The following TMEM74 variants were observed in gnomAD, a reference collection of about 807,000 sequenced individuals.
TMEM74 encodes the protein transmembrane protein 74.
Under a neutral mutation model 18.1 loss-of-function variants are expected in TMEM74, and 13 were observed. That is an observed-to-expected ratio of 0.72 (90% CI 0.47 to 1.14). The LOEUF (loss-of-function observed/expected upper bound fraction) is 1.14, where lower values mean the gene tolerates loss of function less well. Ranked by LOEUF, TMEM74 falls within the 50% of genes most tolerant of loss-of-function variation. TMEM74 has a pLI of 0.00. For missense variants in TMEM74, 372 were observed against 375.9 expected (o/e 0.99, Z 0.09); for synonymous variants, 159 against 146.6 (o/e 1.08, Z -0.61).
Position 108,784,525 on chromosome 8 carries a change from C to T in TMEM74, c.574G>A (p.Val192Met), listed in dbSNP as rs555420346. 8 of 1,614,146 alleles carry T rather than the reference C, an allele frequency of 5.0e-6. No homozygotes were observed. The highest frequency in any genetic ancestry group is 3.3e-5 in the Admixed American group (2 of 60,020). Residue 192 changes from valine to methionine, a missense_variant, in exon 2 of 2, where the codon GTG becomes ATG. Transcript: ENST00000297459. ...CGTGGGACGATGTAAGAGATGATCACGAGCAGGATCCCAGTGACCAAGAAC... is the reference window on the plus strand; with the variant it reads ...CGTGGGACGATGTAAGAGATGATCATGAGCAGGATCCCAGTGACCAAGAAC... ...ILFLVTGILLVIISYIVPREV... is the reference protein window; with the variant it reads ...ILFLVTGILLMIISYIVPREV...
chr8:108,730,859 T>C (rs1387080236), intron 1 of TMEM74, among the ~76,000 whole-genome samples: 2 of 151,956 alleles, frequency 1.3e-5, no homozygotes. Flanking sequence ...TCTCGATCTC[T>C]TGACCTTGTG....
chr8:108,758,449 A>G (rs1814003024), intron 1 of TMEM74, among the ~76,000 whole-genome samples: 1 of 152,100 alleles, frequency 6.6e-6, no homozygotes, highest in South Asian at 2.1e-4. Context: ...AGGAAGTACA[A>G]ATGGCCAAGA....
At chr8:108,742,232 G>A (rs766865109) in intron 1 of TMEM74, among the ~76,000 whole-genome samples, 21 of 152,042 alleles carry the variant, frequency 1.4e-4, no homozygotes, top group Admixed American at 1.4e-3. Flanking sequence ...TCTGTACAAC[G>A]AACGCCTGTG....
At chr8:108,765,616 C>A (rs553132318) in intron 1 of TMEM74, among the ~76,000 whole-genome samples, 1 of 151,974 alleles carries the variant, frequency 6.6e-6, no homozygotes, top group South Asian at 2.1e-4. Context: ...ACCATGATGG[C>A]CAGGCTGGTC....
intron 1 of TMEM74, among the ~76,000 whole-genome samples, chr8:108,749,788 G>A (rs999624369): frequency 3.3e-5 from 5 of 152,110 alleles, no homozygotes; most frequent in Non-Finnish European, 7.4e-5. Flanking sequence ...ATGTGCCCAT[G>A]ATCTGAAGAC....
At chr8:108,706,924 A>C (rs1041513675) in intron 1 of TMEM74, among the ~76,000 whole-genome samples, 6 of 152,160 alleles carry the variant, frequency 3.9e-5, no homozygotes, top group African/African-American at 1.4e-4. Context: ...AGAGAATGAC[A>C]GTGATCTAGA....
At chr8:108,667,422 C>G (rs1328883100) in intron 1 of TMEM74, among the ~76,000 whole-genome samples, 1 of 152,112 alleles carries the variant, frequency 6.6e-6, no homozygotes, top group Non-Finnish European at 1.5e-5. Flanking sequence ...GAATGATCAT[C>G]AGTTACTGAG....
chr8:108,732,885 G>C (rs953963315), intron 1 of TMEM74, among the ~76,000 whole-genome samples: 1 of 151,310 alleles, frequency 6.6e-6, no homozygotes, highest in Non-Finnish European at 1.5e-5. Flanking sequence ...TAAAAAAAAT[G>C]CAAATACTTC....
At chr8:108,711,795 C>G (rs1393336301) in intron 1 of TMEM74, among the ~76,000 whole-genome samples, 1 of 152,094 alleles carries the variant, frequency 6.6e-6, no homozygotes, top group Non-Finnish European at 1.5e-5. Flanking sequence ...ACATTACTAA[C>G]AGAGAGACTA....
intron 1 of TMEM74, among the ~76,000 whole-genome samples, chr8:108,671,156 T>G (rs1040070562): frequency 2.0e-5 from 3 of 152,230 alleles, no homozygotes; most frequent in Non-Finnish European, 4.4e-5. Context: ...AGGTAGGGAC[T>G]GGTGATGGCC....
Position 108,768,316 on chromosome 8 carries a change from C to T in TMEM74, n.119+19160G>A, listed in dbSNP as rs189681360. 1.6e-3 allele frequency among the ~76,000 whole-genome samples: 246 copies of T among 152,236 alleles called. 4 individuals carry two copies. Among genetic ancestry groups the T allele is most frequent in the Non-Finnish European group, 2.4e-4 (16 of 68,010 alleles). ...CTTTGAAATGACTAATTTATTGCCT[C>T]CTCTTGGTTTCTCTCTTCGACATCC... On this transcript the variant is annotated intron_variant and non_coding_transcript_variant, in intron 1 of 3. Coordinates refer to the TMEM74 transcript ENST00000518838.
intron 2 of TMEM74, among the ~76,000 whole-genome samples, chr8:108,632,204 T>A (rs952229275): frequency 2.6e-5 from 4 of 151,928 alleles, no homozygotes; most frequent in Non-Finnish European, 5.9e-5. Flanking sequence ...TGAATGAATT[T>A]TTTCAGGAAG....
chr8:108,693,881 G>A (rs998283838), intron 1 of TMEM74, among the ~76,000 whole-genome samples: 5 of 152,190 alleles, frequency 3.3e-5, no homozygotes, highest in African/African-American at 9.7e-5. Context: ...TAATGACCAC[G>A]TAGCTGTTCT....
chr8:108,741,263 AT>A (rs1173454263), intron 1 of TMEM74, among the ~76,000 whole-genome samples: 1 of 152,224 alleles, frequency 6.6e-6, no homozygotes, highest in Non-Finnish European at 1.5e-5. Context: ...GGGAATGGGC[AT>A]GAACACGTAG....
intron 1 of TMEM74, among the ~76,000 whole-genome samples, chr8:108,772,901 A>G (rs1182249901): frequency 6.6e-6 from 1 of 152,152 alleles, no homozygotes; most frequent in Non-Finnish European, 1.5e-5. Context: ...CAGGATTGTC[A>G]TGGGGATTCG....
At chr8:108,696,308 T>C (rs1200679536) in intron 1 of TMEM74, among the ~76,000 whole-genome samples, 2 of 152,256 alleles carry the variant, frequency 1.3e-5, no homozygotes, top group African/African-American at 4.8e-5. Flanking sequence ...GAGGTAATTA[T>C]ACATTTCTAT....
At chr8:108,720,753 TATTA>T (rs72498674) in intron 1 of TMEM74, among the ~76,000 whole-genome samples, 40,930 of 94,130 alleles carry the variant, frequency 0.43, 6,120 homozygotes, top group East Asian at 0.51. Context: ...TTTATTTATT[TATTA>T]GTTTGTTTGT....
chr8:108,773,473 A>C (rs544055648), intron 1 of TMEM74, among the ~76,000 whole-genome samples: 1 of 152,206 alleles, frequency 6.6e-6, no homozygotes, highest in African/African-American at 2.4e-5. Context: ...AGGTTTTAAA[A>C]TATGTACGCA....
At chr8:108,689,107 C>G (rs1164889474) in intron 1 of TMEM74, among the ~76,000 whole-genome samples, 1 of 152,212 alleles carries the variant, frequency 6.6e-6, no homozygotes, top group Non-Finnish European at 1.5e-5. Flanking sequence ...CTTCCCAGAA[C>G]ACTGTAAATT....
Sources: allele counts gnomAD v4.1 joint callset (sites outside exome capture counted in the v4.1 genomes callset), GRCh38; gene constraint gnomAD v4.1.1; transcripts MANE v1.5; gene names NCBI Gene and HGNC (gene_info 2026-07-23, HGNC 2026-07-21).